FAM149B1: variants seen among roughly 807,000 people sequenced by gnomAD.
FAM149B1 encodes the protein primary cilium assembly protein FAM149B1.
Under a neutral mutation model 75.3 loss-of-function variants are expected in FAM149B1, and 56 were observed. That is an observed-to-expected ratio of 0.74 (90% CI 0.60 to 0.93). The LOEUF (loss-of-function observed/expected upper bound fraction) is 0.93, where lower values mean the gene tolerates loss of function less well. Among genes scored for constraint, FAM149B1 ranks in the 40% least tolerant of loss-of-function variants. The pLI is 0.00. For synonymous variants in FAM149B1, 259 were observed against 256.1 expected, an observed-to-expected ratio of 1.01 and a Z score of -0.11; for missense variants, 639 against 708.4, an observed-to-expected ratio of 0.90 and a Z score of 1.11.
intron 7 of FAM149B1, among the ~76,000 whole-genome samples, chr10:73,211,339 A>G (rs1589168249): frequency 6.6e-6 from 1 of 151,836 alleles, no homozygotes; most frequent in Non-Finnish European, 1.5e-5. Flanking sequence ...CTATCTCCCT[A>G]CCCAATCCTC....
chr10:73,235,763 T>G (rs2043806596), intron 12 of FAM149B1, among the ~76,000 whole-genome samples: 1 of 152,166 alleles, frequency 6.6e-6, no homozygotes, highest in African/African-American at 2.4e-5. Context: ...CTGGAACTCC[T>G]GGGCTCAAGC....
intron 9 of FAM149B1, among the ~76,000 whole-genome samples, chr10:73,231,602 G>A (rs138991888): frequency 3.2e-4 from 48 of 152,198 alleles, no homozygotes; most frequent in African/African-American, 1.0e-3. Flanking sequence ...GCACTCAAGC[G>A]GCCACACAGG....
Position 73,208,768 on chromosome 10 carries a change from C to T in FAM149B1, c.692C>T (p.Ala231Val). The change falls in exon 6 of 14, where the codon GCA becomes GTA. Residue 231 changes from alanine (A) to valine (V), a missense_variant. Coordinates refer to ENST00000242505, the MANE Select transcript of FAM149B1 (RefSeq NM_173348.2). ...GAAGGAATAATTGAGGAATACCTAG[C>T]ATTCGATCACATAGATATGTGAGTA... ...VSEGIIEEYLAFDHIDIEEGF... is the reference protein window; with the variant it reads ...VSEGIIEEYLVFDHIDIEEGF... 1.3e-6 allele frequency: 2 copies of T among 1,517,592 alleles called. No individual in the cohort carries two copies. The highest frequency in any genetic ancestry group is 2.5e-5 in the East Asian group (1 of 40,232). The allele number at this position is 1,517,592 out of a possible 1,614,324, so 94.0% of individuals were successfully genotyped here.
chr10:73,204,281 C>G (rs775413547), intron 5 of FAM149B1, among the ~76,000 whole-genome samples: 3 of 151,920 alleles, frequency 2.0e-5, no homozygotes, highest in Admixed American at 6.6e-5. Flanking sequence ...CATGCCATCA[C>G]GCCTGGCTAA....
intron 3 of FAM149B1, among the ~76,000 whole-genome samples, chr10:73,191,211 T>C (rs2042675262): frequency 6.6e-6 from 1 of 151,492 alleles, no homozygotes; most frequent in Admixed American, 6.6e-5. Context: ...CAGCTAATTT[T>C]GTATTTTTAG....
At chr10:73,189,987 T>A (rs1463582426) in intron 3 of FAM149B1, among the ~76,000 whole-genome samples, 1 of 152,172 alleles carries the variant, frequency 6.6e-6, no homozygotes, top group African/African-American at 2.4e-5. Flanking sequence ...CAGGCAAATA[T>A]GAAGAACCAG....
At chr10:73,169,583 A>T (rs1387977938) in intron 1 of FAM149B1, among the ~76,000 whole-genome samples, 1 of 151,496 alleles carries the variant, frequency 6.6e-6, no homozygotes, top group East Asian at 1.9e-4. Flanking sequence ...TAGCCTCTTG[A>T]GTAGCTGAGA....
chr10:73,189,414 G>C (rs12247739), intron 3 of FAM149B1, among the ~76,000 whole-genome samples: 23,962 of 152,104 alleles, frequency 0.16, 3,145 homozygotes, highest in African/African-American at 0.34. Context: ...AAACATATGT[G>C]TAGAAAAAGA....
At position 73,230,447 on chromosome 10, in the gene FAM149B1, A is replaced by G; in HGVS notation, c.1049A>G (p.His350Arg). Reference sequence around the variant, plus strand: ...ATGAGTCTCTGTCAAGCAAGCAGACATCAGCCAAATGTGAATGATCTCTTG... The same window carrying G: ...ATGAGTCTCTGTCAAGCAAGCAGACGTCAGCCAAATGTGAATGATCTCTTG... ...NPMSLCQASR[H>R]QPNVNDLLVH... is the part of the protein sequence containing the mutation. The change falls in exon 9 of 14, where the codon CAT (histidine) becomes CGT (arginine). Residue 350 changes from histidine to arginine, a missense_variant. His to Arg is a conservative substitution (Grantham distance 29, BLOSUM62 0). Transcript: ENST00000242505. The G allele has an allele frequency of 6.5e-7, 1 of 1,549,132 alleles. No individual in the cohort carries two copies. The highest frequency in any genetic ancestry group is 8.7e-7 in the Non-Finnish European group (1 of 1,144,354).
At chr10:73,231,304 G>A (rs2043692072) in intron 9 of FAM149B1, 1 of 152,102 alleles carries the variant, frequency 6.6e-6, no homozygotes, top group Non-Finnish European at 1.5e-5. Context: ...TCTTGTATAG[G>A]TCTTTTTTGT....
rs547670873 is a variant in FAM149B1, at chr10:73,231,335, CTT to C, written c.1127+811_1127+812del. 218 of 152,178 alleles carry C rather than the reference CTT, an allele frequency of 1.4e-3. 2 individuals are homozygous for C. The highest frequency in any genetic ancestry group is 4.8e-3 in the African/African-American group (199 of 41,532). 9.4% of individuals were successfully genotyped at this position (152,178 alleles called of 1,614,324 possible). On this transcript the variant is annotated intron_variant, in intron 9 of 13. Coordinates refer to ENST00000242505, the MANE Select transcript of FAM149B1 (RefSeq NM_173348.2). ...TTTGTGGTTTTACGGTCTCATTTCT[CTT>C]GAGTTGATACCTAGAAATGAAAGGG... is the stretch of plus-strand genomic sequence containing the variant.
rs541844405 is a variant in FAM149B1 at position 73,243,664 on chromosome 10, T to G, written c.*2645T>G. On this transcript the variant is annotated 3_prime_UTR_variant, in exon 14 of 14. Coordinates refer to ENST00000242505, the MANE Select transcript of FAM149B1 (RefSeq NM_173348.2). ...TGGTGAAAATGTCCTACAATTGGTG[T>G]TAATAATTGTAAAACTTTGTAAATA... is the stretch of plus-strand genomic sequence containing the variant. The G allele has an allele frequency of 8.4e-6, 10 of 1,191,278 alleles. No homozygotes were observed. In the East Asian group the frequency reaches 1.2e-4, roughly 14 times the overall value. The allele number at this position is 1,191,278 out of a possible 1,614,324, so 73.8% of individuals were successfully genotyped here. A position where few individuals can be genotyped will look rare whatever the true frequency, so the allele number is the denominator to read the frequency against.
Position 73,188,592 on chromosome 10 carries a change from G to A in FAM149B1, c.283-3964G>A, listed in dbSNP as rs2042589098. On this transcript the variant is annotated intron_variant, in intron 3 of 13. Coordinates refer to ENST00000242505, the MANE Select transcript of FAM149B1 (RefSeq NM_173348.2). ...AAAAAATTAGCCAGGCGTGGTGGCA[G>A]GCACCTGTAATCCCAGCTACTCTGG... Among the ~76,000 whole-genome samples, 5 of 152,148 alleles carry A rather than the reference G, an allele frequency of 3.3e-5. No homozygotes were observed. The South Asian group carries it at 1.0e-3, about 32-fold the overall frequency.
At chr10:73,220,460 A>G (rs2043385475) in intron 7 of FAM149B1, among the ~76,000 whole-genome samples, 1 of 152,194 alleles carries the variant, frequency 6.6e-6, no homozygotes, top group African/African-American at 2.4e-5. Flanking sequence ...CCATACAAAA[A>G]CTTGAACATG....
In FAM149B1 at chr10:73,186,163, C is replaced by T. The variant is rs147728820; in HGVS notation, c.283-6393C>T. ...AAAAACAACTCTTCATCTGGGTAGA[C>T]GGATGGTGAAAAAAAGAAAAACAAC... On this transcript the variant is annotated intron_variant, in intron 3 of 13. Transcript: ENST00000242505. Among the ~76,000 whole-genome samples the T allele has an allele frequency of 6.4e-3, 964 of 151,558 alleles. 13 individuals are homozygous for T. Among genetic ancestry groups the T allele is most frequent in the African/African-American group, 0.022 (914 of 41,286 alleles).
At chr10:73,235,027 T>C (rs1484882230) in intron 11 of FAM149B1, 87 bp downstream of exon 11, 9 of 1,503,302 alleles carry the variant, frequency 6.0e-6, no homozygotes, top group East Asian at 4.9e-5. Context: ...CTGATCTTGA[T>C]TTATACTGTG....
chr10:73,207,146 A>G (rs1245498681), intron 5 of FAM149B1, among the ~76,000 whole-genome samples: 3 of 152,182 alleles, frequency 2.0e-5, no homozygotes, highest in African/African-American at 7.2e-5. Flanking sequence ...GAGAAGAAAT[A>G]GGGGGTTGGA....
chr10:73,220,617 G>A (rs182587454), intron 7 of FAM149B1, among the ~76,000 whole-genome samples: 1 of 152,256 alleles, frequency 6.6e-6, no homozygotes, highest in East Asian at 1.9e-4. Flanking sequence ...AACCCCCAAA[G>A]TGACTGTATT....
At chr10:73,226,839 T>G (rs1158894950) in intron 7 of FAM149B1, among the ~76,000 whole-genome samples, 1 of 152,192 alleles carries the variant, frequency 6.6e-6, no homozygotes, top group Non-Finnish European at 1.5e-5. Context: ...TAGAACAAAC[T>G]GACAGGTGCT....
Sources: allele counts gnomAD v4.1 joint callset (sites outside exome capture counted in the v4.1 genomes callset), GRCh38; gene constraint gnomAD v4.1.1; transcripts MANE v1.5; gene names NCBI Gene and HGNC (gene_info 2026-07-23, HGNC 2026-07-21).